Variants in RIIAD1 observed in about 807,000 individuals in gnomAD.
RIIAD1 encodes regulatory subunit of type II PKA R-subunit domain containing 1.
RIIAD1 carries 15 observed loss-of-function variants against 13.3 expected under a neutral mutation model. The ratio of observed to expected loss-of-function variants is 1.13; its 90% CI spans 0.76 to 1.74. RIIAD1 has a LOEUF of 1.74. Ranked by LOEUF, RIIAD1 falls within the 40% of genes most tolerant of loss-of-function variation. The pLI is 0.00. For synonymous variants in RIIAD1, 50 were observed against 43.3 expected, an observed-to-expected ratio of 1.16 and a Z score of -0.61; for missense variants, 121 against 112.2, an observed-to-expected ratio of 1.08 and a Z score of -0.35.
upstream of RIIAD1, chr1:151,716,533 C>G (rs1357119063): frequency 3.0e-6 from 1 of 330,518 alleles, no homozygotes; most frequent in African/African-American, 2.2e-5. Context: ...GTTGGCTTCC[C>G]TGGGAGGACA....
At chr1:151,726,047 A>G (rs531414193) in intron 2 of RIIAD1, among the ~76,000 whole-genome samples, 35 of 152,344 alleles carry the variant, frequency 2.3e-4, no homozygotes, top group Middle Eastern at 3.4e-3. Flanking sequence ...GTCATAGTCT[A>G]TAGAACACAA....
At chr1:151,726,745 G>A (rs1673834956) in intron 2 of RIIAD1, among the ~76,000 whole-genome samples, 1 of 152,192 alleles carries the variant, frequency 6.6e-6, no homozygotes, top group African/African-American at 2.4e-5. Flanking sequence ...GCAATGTAAG[G>A]CATTTTCAAC....
chr1:151,726,357 A>ATATTT (rs1332290657), intron 2 of RIIAD1, among the ~76,000 whole-genome samples: 3 of 152,246 alleles, frequency 2.0e-5, no homozygotes, highest in African/African-American at 7.2e-5. Flanking sequence ...AGGTAGGGCT[A>ATATTT]TATTTTATTT....
At chr1:151,717,745 T>C (rs1373343597), upstream of RIIAD1, among the ~76,000 whole-genome samples, 2 of 152,234 alleles carry the variant, frequency 1.3e-5, no homozygotes, top group East Asian at 1.9e-4. Flanking sequence ...CTTTCTTCAG[T>C]TGGGTTCTTT....
intron 2 of RIIAD1, among the ~76,000 whole-genome samples, chr1:151,723,037 C>T (rs534067215): frequency 2.6e-5 from 4 of 152,358 alleles, no homozygotes; most frequent in East Asian, 1.9e-4. Flanking sequence ...TGTAAGCAGT[C>T]GGTCCCCATT....
intron 2 of RIIAD1, among the ~76,000 whole-genome samples, chr1:151,722,528 C>G (rs903298403): frequency 3.9e-5 from 6 of 152,254 alleles, no homozygotes; most frequent in African/African-American, 1.4e-4. Flanking sequence ...ACCAGCGTAT[C>G]CTGGAATATG....
At chr1:151,719,462 C>T (rs1379766363), upstream of RIIAD1, 2 of 592,792 alleles carry the variant, frequency 3.4e-6, no homozygotes. Flanking sequence ...GAGCTCTGAT[C>T]CTGGCTTTAG....
chr1:151,711,809 C>T (rs563372216), intron 1 of RIIAD1: 1 of 152,410 alleles, frequency 6.6e-6, no homozygotes, highest in East Asian at 1.9e-4. Context: ...AGCCCCCTTC[C>T]CAGCAGGCCT....
At chr1:151,717,214 G>C (rs145379070), upstream of RIIAD1, among the ~76,000 whole-genome samples, 98 of 152,234 alleles carry the variant, frequency 6.4e-4, no homozygotes, top group Non-Finnish European at 1.1e-3. Flanking sequence ...TCAGGGGAAA[G>C]AAAAATGAGA....
At chr1:151,723,561 G>T (rs536430974) in intron 2 of RIIAD1, among the ~76,000 whole-genome samples, 2 of 152,136 alleles carry the variant, frequency 1.3e-5, no homozygotes, top group East Asian at 1.9e-4. Flanking sequence ...TTAGTCAGGC[G>T]TGGTGGCACG....
intron 3 of RIIAD1, among the ~76,000 whole-genome samples, chr1:151,728,150 C>T (rs537656912): frequency 6.6e-6 from 1 of 152,322 alleles, no homozygotes; most frequent in African/African-American, 2.4e-5. Flanking sequence ...TTGGTTACAT[C>T]CCAGACCTCA....
intron 3 of RIIAD1, among the ~76,000 whole-genome samples, chr1:151,714,153 C>T (rs530919950): frequency 2.0e-5 from 3 of 152,216 alleles, no homozygotes; most frequent in South Asian, 2.1e-4. Context: ...CCAATCTAGC[C>T]GGCACCAGCT....
intron 2 of RIIAD1, among the ~76,000 whole-genome samples, chr1:151,723,996 T>C (rs1200915574): frequency 2.0e-5 from 3 of 152,156 alleles, no homozygotes; most frequent in East Asian, 1.9e-4. Flanking sequence ...AGCAGAGAGA[T>C]TGGGGATAGA....
intron 2 of RIIAD1, among the ~76,000 whole-genome samples, chr1:151,712,863 C>G (rs1484270031): frequency 6.6e-6 from 1 of 152,064 alleles, no homozygotes; most frequent in Non-Finnish European, 1.5e-5. Context: ...GTAGGAAGAA[C>G]AGTTATGCAG....
At chr1:151,715,257 C>T (rs1558112582) in intron 4 of RIIAD1, among the ~76,000 whole-genome samples, 1 of 152,018 alleles carries the variant, frequency 6.6e-6, no homozygotes. Context: ...CCCTGACCGC[C>T]CCCACTTAGC....
intron 4 of RIIAD1, chr1:151,715,913 C>T (rs752809760): frequency 6.2e-7 from 1 of 1,614,020 alleles, no homozygotes; most frequent in African/African-American, 1.3e-5. Context: ...TGATGACAGT[C>T]AGCTCAAAGA....
intron 1 of RIIAD1, 110 bp downstream of exon 1, chr1:151,721,730 C>G: frequency 1.6e-6 from 1 of 621,148 alleles, no homozygotes; most frequent in Non-Finnish European, 2.4e-6. Context: ...GGAGCCTGTT[C>G]CCTGATAAAG....
upstream of RIIAD1, among the ~76,000 whole-genome samples, chr1:151,720,556 T>C (rs1673719221): frequency 6.6e-6 from 1 of 152,228 alleles, no homozygotes; most frequent in African/African-American, 2.4e-5. Flanking sequence ...TTCCTCAGTC[T>C]TTGCTGGAAA....
chr1:151,711,596 C>T (rs1673025117), intron 1 of RIIAD1, among the ~76,000 whole-genome samples: 1 of 152,252 alleles, frequency 6.6e-6, no homozygotes, highest in African/African-American at 2.4e-5. Flanking sequence ...CATGTGTGTG[C>T]GGGTGCGCAT....
Sources: gnomAD v4.1 joint callset for allele counts (sites outside exome capture counted in the v4.1 genomes callset) on GRCh38, gnomAD v4.1.1 for gene constraint, MANE v1.5 for transcripts, NCBI Gene and HGNC (gene_info 2026-07-23, HGNC 2026-07-21) for gene names.